FAM107B: variants seen among roughly 807,000 people sequenced by gnomAD.
FAM107B encodes the protein protein FAM107B.
FAM107B carries 21 observed loss-of-function variants against 31.5 expected under a neutral mutation model. The ratio of observed to expected loss-of-function variants is 0.67; its 90% confidence interval spans 0.47 to 0.96. The LOEUF is 0.96. Among genes scored for constraint, FAM107B ranks in the 40% least tolerant of loss-of-function variants. FAM107B has a pLI of 0.00. For synonymous variants in FAM107B, 157 were observed against 141.5 expected, an observed-to-expected ratio of 1.11 and a Z score of -0.78; for missense variants, 452 against 377.1, an observed-to-expected ratio of 1.20 and a Z score of -1.64.
chr10:14,759,034 C>T (rs1302130651), intron 1 of FAM107B, among the ~76,000 whole-genome samples: 1 of 151,568 alleles, frequency 6.6e-6, no homozygotes, highest in African/African-American at 2.4e-5. Context: ...CAAAATTAGC[C>T]AGGTGTGGTG....
At chr10:14,627,377 G>A (rs1381052138) in intron 2 of FAM107B, among the ~76,000 whole-genome samples, 1 of 152,224 alleles carries the variant, frequency 6.6e-6, no homozygotes. Flanking sequence ...GACAGGAGGA[G>A]ATCAGCGGAA....
intron 2 of FAM107B, among the ~76,000 whole-genome samples, chr10:14,613,220 C>A (rs1852768253): frequency 6.6e-6 from 1 of 152,140 alleles, no homozygotes; most frequent in Non-Finnish European, 1.5e-5. Flanking sequence ...GATCTGCCTG[C>A]CTTGGCCTCC....
intron 1 of FAM107B, among the ~76,000 whole-genome samples, chr10:14,690,811 T>C (rs1855116219): frequency 6.6e-6 from 1 of 152,154 alleles, no homozygotes; most frequent in Non-Finnish European, 1.5e-5. Flanking sequence ...ATCTGTTTCC[T>C]GCTGGAACCT....
At chr10:14,530,634 T>C (rs1014217198) in intron 2 of FAM107B, 119 bp from the exon 3 acceptor site, 11 of 892,062 alleles carry the variant, frequency 1.2e-5, no homozygotes, top group Middle Eastern at 2.3e-4. Flanking sequence ...CTGAGTCCAC[T>C]CTGGGGCATC....
In FAM107B at chr10:14,551,497, C is replaced by CTT. The variant is rs570608210; in HGVS notation, c.470-20984_470-20983dup. ...AAGATTCCAATTATTTGTGAGTATACTTTATTCAAGATTTTAAAATTCAGT... is the reference window on the plus strand; with the variant it reads ...AAGATTCCAATTATTTGTGAGTATACTTTTTATTCAAGATTTTAAAATTCAGT... On this transcript the variant is annotated intron_variant, in intron 2 of 4. Coordinates refer to ENST00000181796, the MANE Select transcript of FAM107B (RefSeq NM_031453.4). Among the ~76,000 whole-genome samples, 20 of 151,890 alleles carry CTT rather than the reference C, an allele frequency of 1.3e-4. No individual in the cohort carries two copies. The East Asian group carries it at 3.9e-3, about 29-fold the overall frequency.
chr10:14,706,265 G>C (rs542495861), intron 1 of FAM107B, among the ~76,000 whole-genome samples: 1 of 151,968 alleles, frequency 6.6e-6, no homozygotes, highest in Non-Finnish European at 1.5e-5. Flanking sequence ...TGGGAGTACC[G>C]TGGTGCAATC....
intron 1 of FAM107B, among the ~76,000 whole-genome samples, chr10:14,762,754 TCACACACACACACACACACA>T (rs35574582): frequency 7.7e-5 from 9 of 116,170 alleles, no homozygotes; most frequent in Non-Finnish European, 1.4e-4. Context: ...AAACTCTGTC[TCACACACACACACACACACA>T]CACACACACA....
intron 2 of FAM107B, among the ~76,000 whole-genome samples, chr10:14,643,144 A>T (rs1243633417): frequency 7.1e-6 from 1 of 140,180 alleles, no homozygotes; most frequent in Non-Finnish European, 1.6e-5. Flanking sequence ...TAGCTTTATT[A>T]TAAGGAATTA....
intron 3 of FAM107B, among the ~76,000 whole-genome samples, chr10:14,526,302 T>G (rs1230721721): frequency 6.6e-6 from 1 of 152,160 alleles, no homozygotes; most frequent in Non-Finnish European, 1.5e-5. Context: ...GCCTCCCAAG[T>G]AGCTGGGACT....
At position 14,700,424 on chromosome 10, in the gene FAM107B, T is replaced by C. The variant is rs142601607; in HGVS notation, c.412-32733A>G. Among the ~76,000 whole-genome samples the C allele has an allele frequency of 7.3e-3, 1,111 of 152,298 alleles. 8 individuals are homozygous for C. The highest frequency in any genetic ancestry group is 0.024 in the African/African-American group (1,010 of 41,560). On this transcript the variant is annotated intron_variant, in intron 1 of 4. Coordinates refer to ENST00000181796, the MANE Select transcript of FAM107B (RefSeq NM_031453.4). Reference sequence around the variant, plus strand: ...GAGCTCCAGGAAATCGTTGTCACCATGAACAGCCGTATATGGAAGCAAACC... The same window carrying C: ...GAGCTCCAGGAAATCGTTGTCACCACGAACAGCCGTATATGGAAGCAAACC...
intron 2 of FAM107B, among the ~76,000 whole-genome samples, chr10:14,651,551 GGGA>G (rs1853899867): frequency 6.6e-6 from 1 of 152,118 alleles, no homozygotes. Context: ...GCAGTGAGCT[GGGA>G]TCGCGCCATT....
intron 2 of FAM107B, among the ~76,000 whole-genome samples, chr10:14,566,152 C>T (rs1850647875): frequency 1.3e-5 from 2 of 152,132 alleles, no homozygotes; most frequent in Non-Finnish European, 2.9e-5. Context: ...CAATCCTGAC[C>T]CTCTGGTATC....
chr10:14,735,920 C>T (rs1856289635), intron 1 of FAM107B, among the ~76,000 whole-genome samples: 1 of 151,994 alleles, frequency 6.6e-6, no homozygotes. Context: ...TCCCAAAGGG[C>T]TATTATGTAT....
At chr10:14,625,487 A>G (rs1270595769) in intron 2 of FAM107B, among the ~76,000 whole-genome samples, 1 of 152,164 alleles carries the variant, frequency 6.6e-6, no homozygotes, top group Non-Finnish European at 1.5e-5. Flanking sequence ...CCTGACAGCC[A>G]TGAGTACAAC....
intron 1 of FAM107B, among the ~76,000 whole-genome samples, chr10:14,721,255 T>G (rs1229222802): frequency 6.6e-6 from 1 of 152,236 alleles, no homozygotes; most frequent in Non-Finnish European, 1.5e-5. Context: ...TTGATGGACA[T>G]TTGGGTTGGT....
intron 1 of FAM107B, among the ~76,000 whole-genome samples, chr10:14,751,486 T>C (rs1460564474): frequency 6.7e-6 from 1 of 150,000 alleles, no homozygotes; most frequent in Admixed American, 6.6e-5. Flanking sequence ...TTGAATAGAG[T>C]GAACTTATAT....
chr10:14,581,941 C>T (rs1237450169), intron 2 of FAM107B, among the ~76,000 whole-genome samples: 1 of 152,046 alleles, frequency 6.6e-6, no homozygotes, highest in Non-Finnish European at 1.5e-5. Context: ...AAAATCAATG[C>T]CCATTTATCA....
chr10:14,664,046 T>C (rs1295428839), intron 2 of FAM107B, among the ~76,000 whole-genome samples: 4 of 152,326 alleles, frequency 2.6e-5, no homozygotes, highest in East Asian at 3.9e-4. Context: ...CCAGCTCTTA[T>C]GGTGCATTCT....
At chr10:14,527,592 A>T (rs1846430215) in intron 3 of FAM107B, among the ~76,000 whole-genome samples, 2 of 152,264 alleles carry the variant, frequency 1.3e-5, no homozygotes, top group Non-Finnish European at 2.9e-5. Context: ...ATGATTCCTT[A>T]AACCAGTCAC....
Sources: gnomAD v4.1 joint callset for allele counts (sites outside exome capture counted in the v4.1 genomes callset) on GRCh38, gnomAD v4.1.1 for gene constraint, MANE v1.5 for transcripts, NCBI Gene and HGNC (gene_info 2026-07-23, HGNC 2026-07-21) for gene names.